UMODL1: variants seen among roughly 807,000 people sequenced by gnomAD.
UMODL1 encodes the protein uromodulin-like 1.
Under a neutral mutation model 136.3 loss-of-function variants are expected in UMODL1, and 128 were observed. That is an observed-to-expected ratio of 0.94 (90% CI 0.81 to 1.09). The LOEUF (loss-of-function observed/expected upper bound fraction) is 1.09, where lower values mean the gene tolerates loss of function less well. Among genes scored for constraint, UMODL1 ranks in the 50% least tolerant of loss-of-function variants. UMODL1 has a pLI of 0.00. For missense variants in UMODL1, 1,766 were observed against 1,725.6 expected (o/e 1.02, Z -0.41); for synonymous variants, 721 against 720.0 (o/e 1.00, Z -0.02).
intron 11 of UMODL1, 147 bp from the exon 12 acceptor site, chr21:42,111,359 C>CCCAGCCAGGGGAGCA: frequency 1.9e-6 from 3 of 1,610,366 alleles, no homozygotes. Flanking sequence ...CCAGGAGAGC[C>CCCAGCCAGGGGAGCA]CCAGCCAGGG....
At chr21:42,082,057 C>A (rs369565802) in intron 2 of UMODL1, among the ~76,000 whole-genome samples, 4 of 152,140 alleles carry the variant, frequency 2.6e-5, no homozygotes, top group Non-Finnish European at 5.9e-5. Context: ...TCAGGGACAA[C>A]GCAGGAAAGA....
chr21:42,124,687 C>T (rs1416420022), intron 17 of UMODL1, among the ~76,000 whole-genome samples: 2 of 152,044 alleles, frequency 1.3e-5, no homozygotes, highest in Non-Finnish European at 2.9e-5. Context: ...ACATTGTCCT[C>T]ATCGGGAGCT....
Position 42,104,087 on chromosome 21 carries a change from G to A in UMODL1, c.1519G>A (p.Asp507Asn). ...QIDRQGTRVQ[D>N]WDECVDSAEH... ...TGACCGGCAGGGGACACGCGTGCAA[G>A]GTATGGCCCAGCCACCCGCCCTGCT... Residue 507 changes from aspartate to asparagine, a missense_variant and splice_region_variant, in exon 9 of 23, where the codon GAC (aspartate) becomes AAC (asparagine). Physicochemically the swap from Asp to Asn is conservative, Grantham distance 23. Transcript: ENST00000408910. 6.2e-7 allele frequency: 1 copy of A among 1,602,914 alleles called. No homozygotes were observed. The highest frequency in any genetic ancestry group is 8.5e-7 in the Non-Finnish European group (1 of 1,171,762).
chr21:42,132,263 C>T (rs1165293554), intron 21 of UMODL1, among the ~76,000 whole-genome samples: 1 of 151,594 alleles, frequency 6.6e-6, no homozygotes, highest in Non-Finnish European at 1.5e-5. Context: ...ATCTATCCAC[C>T]CATTCATTCA....
In UMODL1 at chr21:42,104,025, T is replaced by C; in HGVS notation, c.1457T>C (p.Ile486Thr). Residue 486 changes from isoleucine (I) to threonine (T), a missense_variant, in exon 9 of 23, where the codon ATA (isoleucine) becomes ACA (threonine). By Grantham distance (89) the Ile-to-Thr change is moderately conservative. Coordinates refer to ENST00000408910, the MANE Select transcript of UMODL1 (RefSeq NM_001004416.3). ...ATGGGCATCTCCACGCTGGCCCCCATACTCCAGCCCCTGTTGGCAAGCACA... is the reference window on the plus strand; with the variant it reads ...ATGGGCATCTCCACGCTGGCCCCCACACTCCAGCCCCTGTTGGCAAGCACA... ...FPMGISTLAP[I>T]LQPLLASTVF... 6.2e-7 allele frequency: 1 copy of C among 1,613,912 alleles called. No individual in the cohort carries two copies. Among genetic ancestry groups the C allele is most frequent in the Non-Finnish European group, 8.5e-7 (1 of 1,180,004 alleles).
chr21:42,096,973 C>G (rs1207761077), intron 6 of UMODL1, among the ~76,000 whole-genome samples: 2 of 152,180 alleles, frequency 1.3e-5, no homozygotes, highest in Admixed American at 6.5e-5. Flanking sequence ...GAAGGCCAGG[C>G]AGTGAGTGGG....
intron 21 of UMODL1, among the ~76,000 whole-genome samples, chr21:42,134,827 T>G (rs1314629866): frequency 6.6e-6 from 1 of 151,826 alleles, no homozygotes; most frequent in Non-Finnish European, 1.5e-5. Context: ...GGTTTTACCA[T>G]GTTGGCCAGG....
chr21:42,084,830 T>TATTAC (rs1569145134), intron 3 of UMODL1, among the ~76,000 whole-genome samples: 2 of 40 alleles, frequency 0.05, no homozygotes, highest in South Asian at 0.5. Flanking sequence ...TATCAGATAT[T>TATTAC]ATGATAATAC....
intron 2 of UMODL1, among the ~76,000 whole-genome samples, chr21:42,081,828 C>T (rs991967211): frequency 6.6e-6 from 1 of 152,282 alleles, no homozygotes; most frequent in East Asian, 1.9e-4. Context: ...CCCTGAATGT[C>T]TTTTTCTGTC....
At chr21:42,116,891 C>T (rs1335718632) in intron 14 of UMODL1, among the ~76,000 whole-genome samples, 1 of 152,186 alleles carries the variant, frequency 6.6e-6, no homozygotes, top group Non-Finnish European at 1.5e-5. Flanking sequence ...GCCTGGCCAA[C>T]ATGGCGAAAC....
At position 42,137,304 on chromosome 21, in the gene UMODL1, G is replaced by A. The variant is rs1358633601; in HGVS notation, c.3776-135G>A. On this transcript the variant is annotated intron_variant, in intron 21 of 22. Transcript: ENST00000408910. Reference sequence around the variant, plus strand: ...CTTCCTCAGCTTTGGTAACCCACAGGCACACGGGTGCACACGTGGGCCTTG... The same window carrying A: ...CTTCCTCAGCTTTGGTAACCCACAGACACACGGGTGCACACGTGGGCCTTG... The A allele has an allele frequency of 3.6e-6, 4 of 1,111,578 alleles. No individual in the cohort carries two copies. The African/African-American group carries it at 6.1e-5, about 17-fold the overall frequency. The allele number at this position is 1,111,578 out of a possible 1,614,324, so 68.9% of individuals were successfully genotyped here.
At chr21:42,108,777 G>A (rs867274772) in intron 9 of UMODL1, among the ~76,000 whole-genome samples, 5 of 150,056 alleles carry the variant, frequency 3.3e-5, no homozygotes, top group African/African-American at 1.2e-4. Flanking sequence ...GACATCACAA[G>A]TCTTTGGGCA....
intron 6 of UMODL1, chr21:42,094,167 G>T (rs1481818642): frequency 5.8e-6 from 2 of 347,350 alleles, no homozygotes; most frequent in Admixed American, 7.6e-5. Context: ...ATACAGGGCC[G>T]CTCGAGCGAC....
At chr21:42,065,932 G>C (rs895770020) in intron 1 of UMODL1, among the ~76,000 whole-genome samples, 6 of 152,194 alleles carry the variant, frequency 3.9e-5, no homozygotes, top group Non-Finnish European at 8.8e-5. Flanking sequence ...TCCGCAGCCA[G>C]GTCCCAGGAC....
chr21:42,109,785 C>T, intron 10 of UMODL1, 86 bp downstream of exon 10: 1 of 1,465,854 alleles, frequency 6.8e-7, no homozygotes, highest in Non-Finnish European at 9.3e-7. Flanking sequence ...TCCATAGGCA[C>T]AGGGCTGAGG....
intron 21 of UMODL1, among the ~76,000 whole-genome samples, chr21:42,133,523 C>T (rs1388428219): frequency 1.3e-5 from 2 of 152,236 alleles, no homozygotes; most frequent in African/African-American, 4.8e-5. Context: ...GGCACCACCA[C>T]AACAAAGTCC....
intron 21 of UMODL1, among the ~76,000 whole-genome samples, chr21:42,133,546 G>A (rs1402568345): frequency 1.3e-5 from 2 of 152,214 alleles, no homozygotes; most frequent in Non-Finnish European, 2.9e-5. Context: ...CAGCCTGGGT[G>A]GCTTGAACAA....
intron 12 of UMODL1, among the ~76,000 whole-genome samples, chr21:42,112,131 C>A (rs972440509): frequency 5.3e-5 from 8 of 152,038 alleles, no homozygotes; most frequent in Admixed American, 2.0e-4. Flanking sequence ...TGCACCCTCC[C>A]AGTAATGCTG....
upstream of UMODL1, among the ~76,000 whole-genome samples, chr21:42,070,876 G>A (rs1042903169): frequency 6.6e-6 from 1 of 152,224 alleles, no homozygotes; most frequent in Non-Finnish European, 1.5e-5. Context: ...TGAACGTGAT[G>A]TTCCACTTTG....
Sources: gnomAD v4.1 joint callset for allele counts (sites outside exome capture counted in the v4.1 genomes callset) on GRCh38, gnomAD v4.1.1 for gene constraint, MANE v1.5 for transcripts, NCBI Gene and HGNC (gene_info 2026-07-23, HGNC 2026-07-21) for gene names.